Variants in GALNTL6 observed in about 807,000 individuals in gnomAD.
The protein encoded by GALNTL6 is polypeptide N-acetylgalactosaminyltransferase like 6.
In GALNTL6, 46 loss-of-function variants were observed where a neutral mutation model predicts 73.7. The ratio of observed to expected loss-of-function variants is 0.62; its 90% CI spans 0.49 to 0.80. The LOEUF is 0.80. GALNTL6 is among the 30% of genes least tolerant of loss of function. The pLI is 0.00. For synonymous variants in GALNTL6, 259 were observed against 263.7 expected (o/e 0.98, Z 0.17); for missense variants, 604 against 755.0 (o/e 0.80, Z 2.34).
intron 2 of GALNTL6, among the ~76,000 whole-genome samples, chr4:172,189,403 G>A (rs1735505615): frequency 6.6e-6 from 1 of 152,098 alleles, no homozygotes; most frequent in South Asian, 2.1e-4. Context: ...ATTTTGTTAA[G>A]TCCCTTTTGT....
intron 8 of GALNTL6, among the ~76,000 whole-genome samples, chr4:172,890,068 CT>C (rs1194482530): frequency 6.6e-6 from 1 of 151,974 alleles, no homozygotes; most frequent in Non-Finnish European, 1.5e-5. Flanking sequence ...TCTCTAAGGT[CT>C]TTTTTATGTC....
chr4:172,555,746 G>C (rs1736117836), intron 5 of GALNTL6, among the ~76,000 whole-genome samples: 1 of 151,968 alleles, frequency 6.6e-6, no homozygotes, highest in Non-Finnish European at 1.5e-5. Context: ...TTTCATAAAA[G>C]ACTGAGATAA....
At chr4:171,968,019 G>A (rs558588713) in intron 2 of GALNTL6, among the ~76,000 whole-genome samples, 7 of 152,130 alleles carry the variant, frequency 4.6e-5, no homozygotes, top group East Asian at 1.9e-4. Context: ...GAAAGAGCCC[G>A]GTGCGATCTT....
chr4:172,089,221 T>C (rs1732129612), intron 2 of GALNTL6, among the ~76,000 whole-genome samples: 1 of 152,164 alleles, frequency 6.6e-6, no homozygotes, highest in Non-Finnish European at 1.5e-5. Flanking sequence ...TTAAGAGGCA[T>C]TTCTATGGAA....
intron 2 of GALNTL6, among the ~76,000 whole-genome samples, chr4:172,202,376 A>T (rs562228681): frequency 6.6e-6 from 1 of 152,320 alleles, no homozygotes; most frequent in African/African-American, 2.4e-5. Context: ...TAAATAAATA[A>T]ATAAAAGAAT....
intron 2 of GALNTL6, among the ~76,000 whole-genome samples, chr4:171,878,520 G>A (rs1048731173): frequency 2.0e-5 from 3 of 151,808 alleles, no homozygotes; most frequent in African/African-American, 7.3e-5. Flanking sequence ...AACATAAATA[G>A]TACATTTCTA....
intron 5 of GALNTL6, among the ~76,000 whole-genome samples, chr4:172,564,108 G>A (rs530917102): frequency 2.1e-4 from 32 of 152,090 alleles, no homozygotes; most frequent in Admixed American, 1.7e-3. Context: ...TTACCCTCTC[G>A]TGTCTTAAAG....
intron 2 of GALNTL6, among the ~76,000 whole-genome samples, chr4:172,184,020 T>G (rs1416293040): frequency 6.6e-6 from 1 of 152,116 alleles, no homozygotes; most frequent in Non-Finnish European, 1.5e-5. Context: ...CTCGATCTCC[T>G]GACCTTGTGA....
At chr4:172,660,129 AT>A (rs1731290662) in intron 5 of GALNTL6, among the ~76,000 whole-genome samples, 1 of 152,346 alleles carries the variant, frequency 6.6e-6, no homozygotes, top group South Asian at 2.1e-4. Context: ...AACAACCATG[AT>A]TAATTGGCTC....
chr4:172,790,114 G>A (rs113711758), intron 5 of GALNTL6, among the ~76,000 whole-genome samples: 1 of 152,360 alleles, frequency 6.6e-6, no homozygotes, highest in African/African-American at 2.4e-5. Context: ...TTGAACAGAA[G>A]CCTGGAGACA....
intron 5 of GALNTL6, among the ~76,000 whole-genome samples, chr4:172,468,830 C>T (rs981123675): frequency 6.6e-6 from 1 of 152,014 alleles, no homozygotes; most frequent in Non-Finnish European, 1.5e-5. Context: ...TTAGCATCTC[C>T]CTATTCTGAG....
Position 172,416,457 on chromosome 4 carries a change from A to C in GALNTL6, c.553+67768A>C, listed in dbSNP as rs186268862. 3.9e-5 allele frequency among the ~76,000 whole-genome samples: 6 copies of C among 152,312 alleles called. No individual in the cohort carries two copies. The East Asian group carries it at 9.7e-4, about 25-fold the overall frequency. Reference sequence around the variant, plus strand: ...TATTTTAGAAGAGATAAACGAATACAATGACCATTACTGTACTCAATTTTT... The same window carrying C: ...TATTTTAGAAGAGATAAACGAATACCATGACCATTACTGTACTCAATTTTT... On this transcript the variant is annotated intron_variant, in intron 5 of 12. Transcript: ENST00000506823.
intron 4 of GALNTL6, among the ~76,000 whole-genome samples, chr4:172,344,124 A>G (rs895912396): frequency 3.3e-5 from 5 of 152,214 alleles, no homozygotes; most frequent in African/African-American, 1.2e-4. Flanking sequence ...TTGTAACCAT[A>G]AAAAGCATAC....
chr4:171,926,611 C>T (rs1737991843), intron 2 of GALNTL6, among the ~76,000 whole-genome samples: 1 of 152,070 alleles, frequency 6.6e-6, no homozygotes, highest in African/African-American at 2.4e-5. Flanking sequence ...TCTTCACTAG[C>T]ATTTGTTATT....
intron 7 of GALNTL6, among the ~76,000 whole-genome samples, chr4:172,870,921 G>C (rs1744899519): frequency 6.6e-6 from 1 of 152,170 alleles, no homozygotes; most frequent in Non-Finnish European, 1.5e-5. Flanking sequence ...AAAGAGACAA[G>C]GACAATTGAG....
At chr4:172,746,009 ATACT>A (rs527256897) in intron 5 of GALNTL6, among the ~76,000 whole-genome samples, 8 of 151,978 alleles carry the variant, frequency 5.3e-5, no homozygotes, top group Non-Finnish European at 1.0e-4. Context: ...TATGGGCCAA[ATACT>A]TCTCTCAGCT....
chr4:173,025,103 C>T (rs1055007981), intron 12 of GALNTL6, among the ~76,000 whole-genome samples: 1 of 152,110 alleles, frequency 6.6e-6, no homozygotes, highest in African/African-American at 2.4e-5. Context: ...ACTCTCATTC[C>T]GCTTTTAGTT....
At chr4:172,754,264 G>C (rs1243327327) in intron 5 of GALNTL6, among the ~76,000 whole-genome samples, 1 of 152,130 alleles carries the variant, frequency 6.6e-6, no homozygotes, top group Non-Finnish European at 1.5e-5. Context: ...AAAAGGAAGA[G>C]AGACAGAATA....
chr4:172,848,758 A>C (rs2111103462), intron 7 of GALNTL6, among the ~76,000 whole-genome samples: 1 of 152,308 alleles, frequency 6.6e-6, no homozygotes, highest in Admixed American at 6.5e-5. Context: ...TTTGGACTGC[A>C]AGGCAAAAGT....
Sources: gnomAD v4.1 joint callset for allele counts (sites outside exome capture counted in the v4.1 genomes callset) on GRCh38, gnomAD v4.1.1 for gene constraint, MANE v1.5 for transcripts, NCBI Gene and HGNC (gene_info 2026-07-23, HGNC 2026-07-21) for gene names.